Variants in PREX1 observed in about 807,000 individuals in gnomAD.
The protein encoded by PREX1 is phosphatidylinositol-3,4,5-trisphosphate dependent Rac exchange factor 1.
In PREX1, 41 loss-of-function variants were observed where a neutral mutation model predicts 198.3. The observed-to-expected ratio is 0.21, with a 90% CI of 0.16 to 0.27. The LOEUF is 0.27. Among genes scored for constraint, PREX1 ranks in the 10% least tolerant of loss-of-function variants. The pLI, the probability that PREX1 is intolerant of heterozygous loss-of-function variation, is 1.00. For synonymous variants in PREX1, 843 were observed against 887.2 expected, an observed-to-expected ratio of 0.95 and a Z score of 0.89; for missense variants, 1,620 against 2,200.7, an observed-to-expected ratio of 0.74 and a Z score of 5.28.
intron 1 of PREX1, among the ~76,000 whole-genome samples, chr20:48,767,794 C>T (rs2090215998): frequency 1.3e-5 from 2 of 152,102 alleles, no homozygotes; most frequent in Non-Finnish European, 1.5e-5. Flanking sequence ...TTCCCCGCCC[C>T]TCATCGTCAC....
chr20:48,827,747 CGCGCACGGGCCGGGGCCG>C lies in PREX1; in HGVS notation c.96_113del (p.Gly33_Ala38del). On this transcript the variant is annotated inframe_deletion, in exon 1 of 40. Transcript: ENST00000371941. This position sits in a 1 kb window ranked among gnomAD's most constrained non-coding sequence, Gnocchi z 4.1. ...GCTGGCGCTCGGACTCCCGGGCGGC[CGCGCACGGGCCGGGGCCG>C]GAGCTGGGCGCCGCGGCGCCAGGGG... 1 of 1,289,420 alleles carries C rather than the reference CGCGCACGGGCCGGGGCCG, an allele frequency of 7.8e-7. No homozygotes were observed. The highest frequency in any genetic ancestry group is 3.3e-5 in the East Asian group (1 of 30,308). The allele number at this position is 1,289,420 out of a possible 1,614,324, so 79.9% of individuals were successfully genotyped here. A position where few individuals can be genotyped will look rare whatever the true frequency, so the allele number is the denominator to read the frequency against.
chr20:48,634,716 G>A lies in PREX1; in HGVS notation c.4227C>T (p.Val1409=). 6.2e-7 allele frequency: 1 copy of A among 1,614,214 alleles called. No individual in the cohort carries two copies. Among genetic ancestry groups the A allele is most frequent in the Non-Finnish European group, 8.5e-7 (1 of 1,180,034 alleles). Residue 1409 remains valine (V), a synonymous_variant, in exon 33 of 40, where the codon GTC becomes GTT. Transcript: ENST00000371941. ...IWVTLSELDN[V]TFSFKQLDEN... ...CGTCCAGCTGCTTAAAGGAGAAGGTGACATTGTCCAGCTCTGACAGCGTCA... is the reference window on the plus strand; with the variant it reads ...CGTCCAGCTGCTTAAAGGAGAAGGTAACATTGTCCAGCTCTGACAGCGTCA...
intron 5 of PREX1, among the ~76,000 whole-genome samples, chr20:48,710,622 A>G (rs1204899774): frequency 6.6e-6 from 1 of 152,214 alleles, no homozygotes; most frequent in Non-Finnish European, 1.5e-5. Context: ...TCCCCGTGCT[A>G]TTTACGACTT....
In PREX1 at chr20:48,637,731, A is replaced by T; in HGVS notation, c.3926T>A (p.Leu1309Gln). The T allele has an allele frequency of 6.2e-7, 1 of 1,607,124 alleles. No individual in the cohort carries two copies. Among genetic ancestry groups the T allele is most frequent in the Non-Finnish European group, 8.5e-7 (1 of 1,175,948 alleles). ...CTCACCTGTGCACTTCAGCAAGGCC[A>T]GGAGCAGCTGGTTCTTCCCATCTGG... ...YVEDGKNQLL[L>Q]ALLKCTDTEL... Residue 1309 changes from leucine (L) to glutamine (Q), a missense_variant, in exon 31 of 40, where the codon CTG becomes CAG. By Grantham distance (113) the Leu-to-Gln change is moderately radical (BLOSUM62 -2). This residue lies in a region of PREX1 where 476 missense variants were observed against 603.4 expected (regional missense o/e 0.79). Transcript: ENST00000371941.
chr20:48,876,605 G>T, the PREX1 span, among the ~76,000 whole-genome samples: 1 of 152,104 alleles, frequency 6.6e-6, no homozygotes, highest in African/African-American at 2.4e-5. Context: ...ACATTTTCTT[G>T]TTGGAAGTCA....
rs2089817437 is a variant in PREX1, at chr20:48,691,179, C to T, written c.1037-83G>A. ...TCCCCATTGCCAAGCCCTTCCGCCC[C>T]AGCACAGGCAGGGCCCTCGCCTGGA... On this transcript the variant is annotated intron_variant, in intron 8 of 39. Transcript: ENST00000371941. This position sits in a 1 kb window ranked among gnomAD's most constrained non-coding sequence, Gnocchi z 5.0. 1.3e-6 allele frequency: 2 copies of T among 1,562,348 alleles called. No individual in the cohort carries two copies. The highest frequency in any genetic ancestry group is 1.8e-6 in the Non-Finnish European group (2 of 1,138,308).
At chr20:48,678,394 C>G (rs2089723828) in intron 13 of PREX1, among the ~76,000 whole-genome samples, 1 of 151,678 alleles carries the variant, frequency 6.6e-6, no homozygotes. Flanking sequence ...CTGCCTGAGC[C>G]TGGAGGTTGA....
intron 17 of PREX1, 145 bp downstream of exon 17, chr20:48,657,991 C>CA: frequency 1.2e-6 from 1 of 825,976 alleles, no homozygotes. Flanking sequence ...GTCCTGGACT[C>CA]AGTTTCTCCA....
At chr20:48,705,745 A>G (rs1374089437) in intron 6 of PREX1, among the ~76,000 whole-genome samples, 1 of 152,252 alleles carries the variant, frequency 6.6e-6, no homozygotes, top group East Asian at 1.9e-4. Flanking sequence ...TTTCTACTTC[A>G]TAGAAAACAA....
At chr20:48,883,107 A>C in the PREX1 span, among the ~76,000 whole-genome samples, 1 of 151,514 alleles carries the variant, frequency 6.6e-6, no homozygotes, top group Non-Finnish European at 1.5e-5. Context: ...TACTTTTTGT[A>C]TTTTTTTAGT....
chr20:48,656,210 A>C (rs1364431114), intron 18 of PREX1, among the ~76,000 whole-genome samples: 1 of 151,872 alleles, frequency 6.6e-6, no homozygotes, highest in Admixed American at 6.6e-5. Context: ...CAGATGCATA[A>C]TTTTTCAAAG....
rs1197498666 is a variant in PREX1 at position 48,710,409 on chromosome 20, G to A, written c.622-1988C>T. ...GTAATGACTATTACTACTACCAACA[G>A]TAACAACAGCTAATACTCAGCAAGC... On this transcript the variant is annotated intron_variant, in intron 5 of 39. Coordinates refer to ENST00000371941, the MANE Select transcript of PREX1 (RefSeq NM_020820.4). Among the ~76,000 whole-genome samples, 9 of 152,268 alleles carry A rather than the reference G, an allele frequency of 5.9e-5. No homozygotes were observed. The East Asian group carries it at 1.4e-3, about 23-fold the overall frequency.
chr20:48,858,556 G>A, the PREX1 span, among the ~76,000 whole-genome samples: 2 of 152,236 alleles, frequency 1.3e-5, no homozygotes, highest in Non-Finnish European at 2.9e-5. Context: ...ACACAGGCCA[G>A]ACCCAACCTG....
intron 1 of PREX1, among the ~76,000 whole-genome samples, chr20:48,767,799 C>T (rs1368587643): frequency 6.6e-6 from 1 of 152,082 alleles, no homozygotes; most frequent in Non-Finnish European, 1.5e-5. Context: ...CGCCCCTCAT[C>T]GTCACTGCAC....
chr20:48,678,614 G>A (rs1056139375), intron 13 of PREX1, among the ~76,000 whole-genome samples: 3 of 152,192 alleles, frequency 2.0e-5, no homozygotes, highest in Admixed American at 2.0e-4. Flanking sequence ...CTACTGAATC[G>A]TGGGGCAGTT....
upstream of PREX1, among the ~76,000 whole-genome samples, chr20:48,829,559 G>C (rs2090530996): frequency 6.6e-6 from 1 of 152,190 alleles, no homozygotes; most frequent in Admixed American, 6.5e-5. Flanking sequence ...AGGGAGTAAA[G>C]GACATGAGAT....
intron 9 of PREX1, among the ~76,000 whole-genome samples, chr20:48,689,193 T>C (rs2089803231): frequency 6.6e-6 from 1 of 152,172 alleles, no homozygotes; most frequent in South Asian, 2.1e-4. Flanking sequence ...AGTATCTCCA[T>C]TCCAGCCCAG....
chr20:48,797,724 T>C (rs1601142022), intron 1 of PREX1, among the ~76,000 whole-genome samples: 2 of 152,230 alleles, frequency 1.3e-5, no homozygotes, highest in Admixed American at 1.3e-4. Context: ...CTCGTGGCCC[T>C]GGCACAGGGC....
In PREX1 at chr20:48,676,885, G is replaced by C. The variant is rs6019368; in HGVS notation, c.1590-617C>G. On this transcript the variant is annotated intron_variant, in intron 13 of 39. Coordinates refer to ENST00000371941, the MANE Select transcript of PREX1 (RefSeq NM_020820.4). Reference sequence around the variant, plus strand: ...TGCAAGGGGCTGGTGTGGTCTATCAGGGCCGAGCAGCACAGAGGCCTGTGA... The same window carrying C: ...TGCAAGGGGCTGGTGTGGTCTATCACGGCCGAGCAGCACAGAGGCCTGTGA... Among the ~76,000 whole-genome samples the C allele has an allele frequency of 2.6e-5, 4 of 152,326 alleles. No individual in the cohort carries two copies. In the East Asian group the frequency reaches 7.7e-4, roughly 29 times the overall value.
Sources: gnomAD v4.1 joint callset for allele counts (sites outside exome capture counted in the v4.1 genomes callset) on GRCh38, gnomAD v4.1.1 for gene constraint, gnomAD v4.1.1 regional missense constraint, Gnocchi (gnomAD v3.1) non-coding constraint, MANE v1.5 for transcripts, NCBI Gene and HGNC (gene_info 2026-07-23, HGNC 2026-07-21) for gene names.